DLG1: variants seen among roughly 807,000 people sequenced by gnomAD.
DLG1 encodes the protein disks large homolog 1.
DLG1 carries 42 observed loss-of-function variants against 123.4 expected under a neutral mutation model. The observed-to-expected ratio is 0.34, with a 90% CI of 0.27 to 0.44. The LOEUF (loss-of-function observed/expected upper bound fraction) is 0.44, where lower values mean the gene tolerates loss of function less well. Ranked by LOEUF, DLG1 falls within the 20% of genes least tolerant of loss-of-function variation. The pLI is 1.00. For missense variants in DLG1, 942 were observed against 1,082.6 expected (o/e 0.87, Z 1.82); for synonymous variants, 317 against 356.2 (o/e 0.89, Z 1.24).
intron 4 of DLG1, among the ~76,000 whole-genome samples, chr3:197,270,647 G>A (rs1173111972): frequency 1.3e-5 from 2 of 152,156 alleles, no homozygotes; most frequent in Non-Finnish European, 2.9e-5. Context: ...TCACTACAAG[G>A]TGCCAAAGTA....
intron 4 of DLG1, among the ~76,000 whole-genome samples, chr3:197,244,607 T>TA (rs1750690588): frequency 1.3e-5 from 2 of 152,042 alleles, no homozygotes; most frequent in South Asian, 4.1e-4. Context: ...TTTTTTTTTT[T>TA]ATCTTTAGCT....
At chr3:197,188,369 C>T (rs1359101061) in intron 5 of DLG1, among the ~76,000 whole-genome samples, 2 of 152,132 alleles carry the variant, frequency 1.3e-5, no homozygotes, top group Non-Finnish European at 2.9e-5. Context: ...CATGTCACAT[C>T]ATACTGTGTT....
At chr3:197,261,451 T>C (rs910775802) in intron 4 of DLG1, among the ~76,000 whole-genome samples, 3 of 152,214 alleles carry the variant, frequency 2.0e-5, no homozygotes, top group Non-Finnish European at 4.4e-5. Context: ...GTAAAAACCT[T>C]TAAAATCCAA....
At chr3:197,160,020 T>C (rs1401938049) in intron 5 of DLG1, among the ~76,000 whole-genome samples, 1 of 152,208 alleles carries the variant, frequency 6.6e-6, no homozygotes, top group Non-Finnish European at 1.5e-5. Flanking sequence ...TTAGTACTCC[T>C]GTCTATCTTC....
chr3:197,146,516 C>A (rs1377055966), intron 6 of DLG1, among the ~76,000 whole-genome samples: 2 of 152,160 alleles, frequency 1.3e-5, no homozygotes, highest in Non-Finnish European at 2.9e-5. Context: ...GCCACCTGAT[C>A]TTTGACAAAG....
chr3:197,284,854 G>C (rs986858121), intron 3 of DLG1, among the ~76,000 whole-genome samples: 1 of 151,880 alleles, frequency 6.6e-6, no homozygotes, highest in Non-Finnish European at 1.5e-5. Context: ...TTCATAATCT[G>C]CAAGTGCTTT....
chr3:197,102,178 T>TG (rs1560676474), intron 14 of DLG1, among the ~76,000 whole-genome samples: 1 of 152,232 alleles, frequency 6.6e-6, no homozygotes, highest in Admixed American at 6.5e-5. Flanking sequence ...TCATATGTCT[T>TG]GTAGAGATTA....
chr3:197,182,012 A>G (rs1457207015), intron 5 of DLG1, among the ~76,000 whole-genome samples: 1 of 152,162 alleles, frequency 6.6e-6, no homozygotes, highest in Non-Finnish European at 1.5e-5. Flanking sequence ...AACACTTTAT[A>G]CATGAACTAC....
intron 4 of DLG1, among the ~76,000 whole-genome samples, chr3:197,254,452 G>T (rs995154186): frequency 1.3e-5 from 2 of 152,144 alleles, no homozygotes; most frequent in African/African-American, 4.8e-5. Context: ...TCCTGAAAAG[G>T]AAAGAACACT....
chr3:197,214,683 G>A (rs927293328), intron 4 of DLG1, among the ~76,000 whole-genome samples: 6 of 152,138 alleles, frequency 3.9e-5, no homozygotes, highest in African/African-American at 1.4e-4. Flanking sequence ...TAGTTTGGGG[G>A]GAGGGGTAGG....
At chr3:197,117,791 A>G (rs1307914366) in intron 12 of DLG1, among the ~76,000 whole-genome samples, 2 of 152,204 alleles carry the variant, frequency 1.3e-5, no homozygotes, top group Non-Finnish European at 2.9e-5. Flanking sequence ...ACTGAATTGT[A>G]CACTTAAAAA....
chr3:197,115,807 A>G (rs1296261533), intron 13 of DLG1, 120 bp downstream of exon 13: 3 of 962,998 alleles, frequency 3.1e-6, no homozygotes, highest in Admixed American at 5.7e-5. Flanking sequence ...AAGCTGTAAA[A>G]TGTTAAGAAG....
intron 23 of DLG1, among the ~76,000 whole-genome samples, chr3:197,052,813 AAG>A (rs966379954): frequency 2.0e-5 from 3 of 152,186 alleles, no homozygotes; most frequent in Non-Finnish European, 4.4e-5. Flanking sequence ...GGGGGCATAA[AAG>A]AGAGATGTGG....
chr3:197,179,289 T>A (rs1231167224), intron 5 of DLG1, among the ~76,000 whole-genome samples: 2 of 151,928 alleles, frequency 1.3e-5, no homozygotes, highest in South Asian at 2.1e-4. Context: ...GGATAATCAC[T>A]TAAATTTAGT....
intron 4 of DLG1, among the ~76,000 whole-genome samples, chr3:197,258,060 A>G (rs1050389794): frequency 3.9e-5 from 6 of 152,252 alleles, no homozygotes; most frequent in South Asian, 2.1e-4. Flanking sequence ...AAAAATGTAT[A>G]TAAGTGTATG....
chr3:197,166,892 CG>C (rs1245991128), intron 5 of DLG1, among the ~76,000 whole-genome samples: 1 of 151,578 alleles, frequency 6.6e-6, no homozygotes, highest in Non-Finnish European at 1.5e-5. Flanking sequence ...AACTCCGTCT[CG>C]GGGGGAAAAA....
At chr3:197,059,309 G>A (rs994447073) in intron 23 of DLG1, among the ~76,000 whole-genome samples, 6 of 152,080 alleles carry the variant, frequency 3.9e-5, no homozygotes, top group Non-Finnish European at 7.4e-5. Context: ...AGTTTAGCAT[G>A]GTATATCTTT....
At chr3:197,230,874 TA>T (rs1209923498) in intron 4 of DLG1, among the ~76,000 whole-genome samples, 1 of 151,828 alleles carries the variant, frequency 6.6e-6, no homozygotes, top group East Asian at 1.9e-4. Flanking sequence ...AAAACAAGAA[TA>T]AAATGATAGT....
At position 197,093,463 on chromosome 3, in the gene DLG1, T is replaced by C. The variant is rs1420229580; in HGVS notation, c.1547-2437A>G. On this transcript the variant is annotated intron_variant, in intron 14 of 24. Coordinates refer to ENST00000667157, the MANE Select transcript of DLG1 (RefSeq NM_001366207.1). ...GTGCCCAGCCAACATTTCTCTTCTT[T>C]CTTAAACAGTAGAATACACATTTCC... Among the ~76,000 whole-genome samples the C allele has an allele frequency of 2.0e-5, 3 of 152,200 alleles. No homozygotes were observed. In the East Asian group the frequency reaches 5.8e-4, roughly 29 times the overall value.
Sources: gnomAD v4.1 joint callset for allele counts (sites outside exome capture counted in the v4.1 genomes callset) on GRCh38, gnomAD v4.1.1 for gene constraint, MANE v1.5 for transcripts, NCBI Gene and HGNC (gene_info 2026-07-23, HGNC 2026-07-21) for gene names.